The following PPP2R2A variants were observed in gnomAD, a reference collection of about 807,000 sequenced individuals.
PPP2R2A encodes serine/threonine-protein phosphatase 2A 55 kDa regulatory subunit B alpha isoform.
In PPP2R2A, 9 loss-of-function variants were observed where a neutral mutation model predicts 53.2. That is an observed-to-expected ratio of 0.17 (90% confidence interval 0.10 to 0.30). PPP2R2A has a LOEUF of 0.30. Ranked by LOEUF, PPP2R2A falls within the 10% of genes least tolerant of loss-of-function variation. PPP2R2A has a pLI of 1.00. For missense variants in PPP2R2A, 235 were observed against 534.6 expected, an observed-to-expected ratio of 0.44 and a Z score of 5.53; for synonymous variants, 169 against 174.2, an observed-to-expected ratio of 0.97 and a Z score of 0.23.
intron 2 of PPP2R2A, chr8:26,333,459 CT>C: frequency 8.9e-7 from 1 of 1,129,748 alleles, no homozygotes; most frequent in East Asian, 5.9e-5. Context: ...TTATAACCCT[CT>C]TTGCACTTTG....
rs1013834913 is a variant in PPP2R2A, at chr8:26,313,325, G to A, written c.82+19585G>A. 1.2e-4 allele frequency among the ~76,000 whole-genome samples: 18 copies of A among 152,154 alleles called. No individual in the cohort carries two copies. In the East Asian group the frequency reaches 2.3e-3, roughly 20 times the overall value. ...GCTGGGATTACAGGGATGAGCCACC[G>A]TGCCTGGCCTATTTTCATATTTCTA... On this transcript the variant is annotated intron_variant, in intron 2 of 9. Coordinates refer to ENST00000380737, the MANE Select transcript of PPP2R2A (RefSeq NM_002717.4).
intron 2 of PPP2R2A, among the ~76,000 whole-genome samples, chr8:26,331,698 A>C (rs1037581846): frequency 6.6e-6 from 1 of 152,154 alleles, no homozygotes; most frequent in Non-Finnish European, 1.5e-5. Flanking sequence ...TGGCAGCCCC[A>C]TTTGTTTGTA....
chr8:26,301,436 G>C (rs74898647), intron 2 of PPP2R2A, among the ~76,000 whole-genome samples: 1 of 150,896 alleles, frequency 6.6e-6, no homozygotes, highest in East Asian at 2.0e-4. Flanking sequence ...AGGCTCAAGC[G>C]ATCCTCCTGC....
chr8:26,315,916 TTGGTAATCACTTTC>T (rs1563292156), intron 2 of PPP2R2A, among the ~76,000 whole-genome samples: 2 of 152,342 alleles, frequency 1.3e-5, no homozygotes, highest in East Asian at 3.9e-4. Flanking sequence ...TCTAGAACAC[TTGGTAATCACTTTC>T]TATGCAATAG....
At chr8:26,313,652 G>A (rs1322851591) in intron 2 of PPP2R2A, among the ~76,000 whole-genome samples, 1 of 152,184 alleles carries the variant, frequency 6.6e-6, no homozygotes, top group Non-Finnish European at 1.5e-5. Flanking sequence ...CTGGTAGGCT[G>A]TAAATATGTA....
At chr8:26,317,716 G>A (rs1802627752) in intron 2 of PPP2R2A, among the ~76,000 whole-genome samples, 2 of 152,180 alleles carry the variant, frequency 1.3e-5, no homozygotes, top group Non-Finnish European at 2.9e-5. Flanking sequence ...ATGTATTATT[G>A]ACCAAACTAC....
chr8:26,360,697 T>C lies in PPP2R2A; in HGVS notation c.460-277T>C, dbSNP rs1805034506. ...CCTCTTTAATCTGAACCATAAACAT[T>C]TATTAGCTTGGCATGTCTTTCAAGC... On this transcript the variant is annotated intron_variant, in intron 5 of 9. Transcript: ENST00000380737. This position sits in a 1 kb window ranked among gnomAD's most constrained non-coding sequence, Gnocchi z 4.5. 3 of 393,416 alleles carry C rather than the reference T, an allele frequency of 7.6e-6. No homozygotes were observed. Among genetic ancestry groups the C allele is most frequent in the Non-Finnish European group, 8.9e-6 (2 of 224,376 alleles). 24.4% of individuals were successfully genotyped at this position (393,416 alleles called of 1,614,324 possible).
At position 26,348,007 on chromosome 8, in the gene PPP2R2A, T is replaced by G. The variant is rs577217148; in HGVS notation, c.181-6461T>G. Among the ~76,000 whole-genome samples the G allele has an allele frequency of 8.5e-5, 13 of 152,332 alleles. No individual in the cohort carries two copies. The South Asian group carries it at 2.5e-3, about 29-fold the overall frequency. On this transcript the variant is annotated intron_variant, in intron 3 of 9. Coordinates refer to ENST00000380737, the MANE Select transcript of PPP2R2A (RefSeq NM_002717.4). ...TTATCAGATATCATTTAATTTTGTT[T>G]TGTACCATTTCTGCCACTGTCCCTG...
At chr8:26,305,738 A>C (rs916525707) in intron 2 of PPP2R2A, among the ~76,000 whole-genome samples, 1 of 152,212 alleles carries the variant, frequency 6.6e-6, no homozygotes, top group Non-Finnish European at 1.5e-5. Flanking sequence ...CTCTAATGCC[A>C]TGTAAAAATT....
At chr8:26,304,231 T>C (rs980898834) in intron 2 of PPP2R2A, among the ~76,000 whole-genome samples, 2 of 152,174 alleles carry the variant, frequency 1.3e-5, no homozygotes, top group African/African-American at 4.8e-5. Context: ...ATGGGAGGGA[T>C]TAATCATCTG....
rs1157852427 is a variant in PPP2R2A, at chr8:26,370,507, C to T, written c.*94C>T. On this transcript the variant is annotated 3_prime_UTR_variant, in exon 10 of 10. Coordinates refer to ENST00000380737, the MANE Select transcript of PPP2R2A (RefSeq NM_002717.4). The surrounding 1 kb of genome is among the most constrained non-coding windows in gnomAD (Gnocchi z 6.1). ...TATAAAAGAGAGAGGTCCATTGTGG[C>T]GCCCCTTTCCAGTGTTTGACAGTGT... 19 of 1,401,894 alleles carry T rather than the reference C, an allele frequency of 1.4e-5. No homozygotes were observed. In the East Asian group the frequency reaches 3.0e-4, roughly 22 times the overall value. The allele number at this position is 1,401,894 out of a possible 1,614,324, so 86.8% of individuals were successfully genotyped here.
chr8:26,331,094 G>A (rs999426884), intron 2 of PPP2R2A, among the ~76,000 whole-genome samples: 6 of 151,984 alleles, frequency 3.9e-5, no homozygotes, highest in Admixed American at 3.3e-4. Flanking sequence ...TAAGTGAGCC[G>A]CCTATAGATA....
intron 2 of PPP2R2A, among the ~76,000 whole-genome samples, chr8:26,328,838 G>A (rs1803224399): frequency 6.6e-6 from 1 of 152,126 alleles, no homozygotes; most frequent in Non-Finnish European, 1.5e-5. Context: ...TGAGATTAAG[G>A]AATGAAGTTA....
In PPP2R2A at chr8:26,338,612, T is replaced by C. The variant is rs1313028133; in HGVS notation, c.83-278T>C. ...AATGATTCACAAATTGTTGATTTCT[T>C]TGCATTCACAAATTTAGTGAAATGT... On this transcript the variant is annotated intron_variant, in intron 2 of 9. Coordinates refer to ENST00000380737, the MANE Select transcript of PPP2R2A (RefSeq NM_002717.4). The surrounding 1 kb of genome is among the most constrained non-coding windows in gnomAD (Gnocchi z 4.5). 1.3e-5 allele frequency among the ~76,000 whole-genome samples: 2 copies of C among 152,238 alleles called. No homozygotes were observed. The highest frequency in any genetic ancestry group is 2.9e-5 in the Non-Finnish European group (2 of 68,048).
rs1195699468 is a variant in PPP2R2A, at chr8:26,345,887, G to GAA, written c.180+6901_180+6902insAA. On this transcript the variant is annotated intron_variant, in intron 3 of 9. Transcript: ENST00000380737. ...TGAATTTGGATGGGCCACATATTGT[G>GAA]AGAGACGGCATCAGCTCTTTTTCTC... is the stretch of plus-strand genomic sequence containing the variant. 5.9e-5 allele frequency among the ~76,000 whole-genome samples: 9 copies of GAA among 152,156 alleles called. No homozygotes were observed. In the East Asian group the frequency reaches 1.7e-3, roughly 29 times the overall value.
intron 2 of PPP2R2A, among the ~76,000 whole-genome samples, chr8:26,312,482 C>T (rs997622928): frequency 6.6e-6 from 1 of 152,180 alleles, no homozygotes; most frequent in African/African-American, 2.4e-5. Context: ...TAAGGGAGAC[C>T]TAGTAGCTTA....
chr8:26,334,190 A>T (rs1397591153), intron 2 of PPP2R2A, among the ~76,000 whole-genome samples: 1 of 152,248 alleles, frequency 6.6e-6, no homozygotes, highest in East Asian at 1.9e-4. Context: ...AGATTAATAC[A>T]GGCATTTTTC....
At chr8:26,305,004 A>G (rs1273441179) in intron 2 of PPP2R2A, among the ~76,000 whole-genome samples, 1 of 152,178 alleles carries the variant, frequency 6.6e-6, no homozygotes, top group African/African-American at 2.4e-5. Flanking sequence ...CTCTATTCAT[A>G]TTGTGAAACA....
chr8:26,294,275 G>A (rs1360209798), intron 2 of PPP2R2A, among the ~76,000 whole-genome samples: 1 of 152,108 alleles, frequency 6.6e-6, no homozygotes, highest in South Asian at 2.1e-4. Context: ...TTGTCTTTCT[G>A]GTATTTAGGT....
Sources: allele counts gnomAD v4.1 joint callset (sites outside exome capture counted in the v4.1 genomes callset), GRCh38; gene constraint gnomAD v4.1.1; non-coding constraint Gnocchi (gnomAD v3.1); transcripts MANE v1.5; gene names NCBI Gene and HGNC (gene_info 2026-07-23, HGNC 2026-07-21).